Variants in YIPF4 observed in about 807,000 individuals in gnomAD.
YIPF4 encodes the protein protein YIPF4.
In YIPF4, 18 loss-of-function variants were observed where a neutral mutation model predicts 29.4. The observed-to-expected ratio is 0.61, with a 90% CI of 0.42 to 0.91. YIPF4 has a LOEUF of 0.91. Among genes scored for constraint, YIPF4 ranks in the 40% least tolerant of loss-of-function variants. The pLI is 0.00. For missense variants in YIPF4, 279 were observed against 282.7 expected (o/e 0.99, Z 0.09); for synonymous variants, 115 against 104.7 (o/e 1.10, Z -0.60).
At chr2:32,304,819 A>G (rs141589805) in intron 5 of YIPF4, among the ~76,000 whole-genome samples, 5 of 152,202 alleles carry the variant, frequency 3.3e-5, no homozygotes, top group Non-Finnish European at 4.4e-5. Flanking sequence ...TAAGTATTGC[A>G]TAAGTTTCCA....
rs943272518 is a variant in YIPF4, at chr2:32,315,186, G to A, written c.*9560G>A. ...AGTATTACATCTACATTTCAAGCAG[G>A]AAGAAGATGAAGCTTAAGAGACCAA... is the stretch of plus-strand genomic sequence containing the variant. On this transcript the variant is annotated 3_prime_UTR_variant, in exon 6 of 6. Transcript: ENST00000238831. 3 of 152,146 alleles carry A rather than the reference G, an allele frequency of 2.0e-5. No homozygotes were observed. The highest frequency in any genetic ancestry group is 3.9e-4 in the East Asian group (2 of 5,190). The allele number at this position is 152,146 out of a possible 1,614,324, so 9.4% of individuals were successfully genotyped here.
At chr2:32,301,538 T>C in intron 5 of YIPF4, 43 bp downstream of exon 5, 1 of 1,375,510 alleles carries the variant, frequency 7.3e-7, no homozygotes, top group Non-Finnish European at 1.0e-6. Context: ...TGTTTTCCAA[T>C]GTCAAAAGTA....
At chr2:32,286,216 A>G (rs1278296619) in intron 1 of YIPF4, among the ~76,000 whole-genome samples, 2 of 152,222 alleles carry the variant, frequency 1.3e-5, no homozygotes, top group East Asian at 3.8e-4. Flanking sequence ...TGAAATCTGA[A>G]TAAGGTCTGT....
chr2:32,288,844 C>G (rs1319041081), intron 1 of YIPF4, among the ~76,000 whole-genome samples: 1 of 151,714 alleles, frequency 6.6e-6, no homozygotes, highest in Non-Finnish European at 1.5e-5. Context: ...GTTGTGTGCA[C>G]CTGTAATCCC....
chr2:32,293,969 G>A (rs549588737), intron 3 of YIPF4, among the ~76,000 whole-genome samples: 9 of 148,022 alleles, frequency 6.1e-5, no homozygotes, highest in Admixed American at 2.0e-4. Context: ...CCTCCCGGAC[G>A]GGGCGGCTGG....
intron 3 of YIPF4, among the ~76,000 whole-genome samples, chr2:32,293,974 G>A (rs1392846804): frequency 7.4e-5 from 11 of 148,336 alleles, no homozygotes; most frequent in South Asian, 2.1e-4. Flanking sequence ...CGGACGGGGC[G>A]GCTGGCTGGG....
Position 32,298,257 on chromosome 2 carries a change from T to C in YIPF4, c.429T>C (p.Ile143=). The C allele has an allele frequency of 6.2e-7, 1 of 1,610,586 alleles. No homozygotes were observed. Among genetic ancestry groups the C allele is most frequent in the African/African-American group, 1.3e-5 (1 of 74,922 alleles). ...AGGTGGTCTCATGGATTATAACCAT[T>C]TGGATATTTGGTTCACTAACAATTT... ...QFRVVSWIIT[I]WIFGSLTIFL... is the part of the protein sequence containing the mutation. Residue 143 remains isoleucine (I), a synonymous_variant, in exon 4 of 6, where the codon ATT becomes ATC. Coordinates refer to ENST00000238831, the MANE Select transcript of YIPF4 (RefSeq NM_032312.4).
intron 4 of YIPF4, 141 bp downstream of exon 4, chr2:32,298,452 A>G: frequency 8.4e-6 from 5 of 598,446 alleles, no homozygotes; most frequent in Non-Finnish European, 1.4e-5. Flanking sequence ...TGATCAACAT[A>G]TTAGTATTGT....
At chr2:32,297,594 C>T (rs1056950849) in intron 3 of YIPF4, among the ~76,000 whole-genome samples, 13 of 152,024 alleles carry the variant, frequency 8.6e-5, no homozygotes, top group Non-Finnish European at 1.6e-4. Flanking sequence ...ATAGTGAGAC[C>T]TGGTCTCTAT....
At chr2:32,304,293 A>C (rs1202553696) in intron 5 of YIPF4, among the ~76,000 whole-genome samples, 2 of 152,212 alleles carry the variant, frequency 1.3e-5, no homozygotes, top group African/African-American at 2.4e-5. Context: ...TGTAATACTT[A>C]TCACTCTGTA....
At chr2:32,303,887 C>T (rs1022769632) in intron 5 of YIPF4, among the ~76,000 whole-genome samples, 3 of 152,142 alleles carry the variant, frequency 2.0e-5, no homozygotes, top group Admixed American at 1.3e-4. Flanking sequence ...CACTCACTTA[C>T]CATCATTTCC....
At chr2:32,285,634 A>G (rs1474909950) in intron 1 of YIPF4, among the ~76,000 whole-genome samples, 1 of 150,950 alleles carries the variant, frequency 6.6e-6, no homozygotes, top group African/African-American at 2.4e-5. Flanking sequence ...AGTAATGTAG[A>G]CAGAGGAATC....
In YIPF4 at chr2:32,278,020, G is replaced by A; in HGVS notation, c.-136G>A. The A allele has an allele frequency of 1.4e-6, 1 of 712,962 alleles. No individual in the cohort carries two copies. The highest frequency in any genetic ancestry group is 2.2e-6 in the Non-Finnish European group (1 of 450,588). 44.2% of individuals were successfully genotyped at this position (712,962 alleles called of 1,614,324 possible). A position where few individuals can be genotyped will look rare whatever the true frequency, so the allele number is the denominator to read the frequency against. On this transcript the variant is annotated 5_prime_UTR_variant, in exon 1 of 6. Transcript: ENST00000238831. ...CAGCGGCCCGCTGTGCCCGTTTCTGGCCTCGCTCGCAGCTTGCACGTCGAG... is the reference window on the plus strand; with the variant it reads ...CAGCGGCCCGCTGTGCCCGTTTCTGACCTCGCTCGCAGCTTGCACGTCGAG...
intron 1 of YIPF4, among the ~76,000 whole-genome samples, chr2:32,282,867 G>A (rs897781110): frequency 6.6e-6 from 1 of 151,958 alleles, no homozygotes; most frequent in African/African-American, 2.4e-5. Context: ...ACGAGGTCAG[G>A]AGATCAAGAC....
intron 5 of YIPF4, among the ~76,000 whole-genome samples, chr2:32,302,316 A>C (rs2031434395): frequency 1.3e-5 from 2 of 152,052 alleles, no homozygotes; most frequent in African/African-American, 2.4e-5. Context: ...AGCGTGAGCC[A>C]CTGCTCCCGG....
chr2:32,284,218 A>T (rs925953531), intron 1 of YIPF4, among the ~76,000 whole-genome samples: 17 of 152,190 alleles, frequency 1.1e-4, no homozygotes, highest in African/African-American at 4.1e-4. Flanking sequence ...ATAAACAACC[A>T]AGTAATTACA....
chr2:32,305,642 A>C lies in YIPF4; in HGVS notation c.*16A>C. 6.5e-7 allele frequency: 1 copy of C among 1,548,146 alleles called. No homozygotes were observed. The highest frequency in any genetic ancestry group is 8.7e-7 in the Non-Finnish European group (1 of 1,150,636). On this transcript the variant is annotated 3_prime_UTR_variant, in exon 6 of 6. Coordinates refer to ENST00000238831, the MANE Select transcript of YIPF4 (RefSeq NM_032312.4). ...TGGTGTGTGATCCAAGTTATACATG[A>C]ATAGAAAAAGATGGTGTTAAATTTG...
rs1193493280 is a variant in YIPF4 at position 32,306,285 on chromosome 2, GATATAT to G, written c.*662_*667del. 200 of 981,414 alleles carry G rather than the reference GATATAT, an allele frequency of 2.0e-4. No individual in the cohort carries two copies. Among genetic ancestry groups the G allele is most frequent in the Non-Finnish European group, 2.3e-4 (191 of 825,974 alleles). 60.8% of individuals were successfully genotyped at this position (981,414 alleles called of 1,614,324 possible). On this transcript the variant is annotated 3_prime_UTR_variant, in exon 6 of 6. Coordinates refer to ENST00000238831, the MANE Select transcript of YIPF4 (RefSeq NM_032312.4). The stretch of plus-strand genomic sequence containing the variant: ...CTAAAACTGATTTTTAATAGTTGCT[GATATAT>G]ATTTGGTTTGTTTGGGTATACTTTT...
At chr2:32,285,416 C>T (rs1360386836) in intron 1 of YIPF4, among the ~76,000 whole-genome samples, 6 of 152,136 alleles carry the variant, frequency 3.9e-5, no homozygotes, top group African/African-American at 1.4e-4. Context: ...TATTGCATTT[C>T]AACCTTGGCC....
Sources: allele counts gnomAD v4.1 joint callset (sites outside exome capture counted in the v4.1 genomes callset), GRCh38; gene constraint gnomAD v4.1.1; transcripts MANE v1.5; gene names NCBI Gene and HGNC (gene_info 2026-07-23, HGNC 2026-07-21).